Variants in PNPLA8 observed in about 807,000 individuals in gnomAD.
PNPLA8 encodes calcium-independent phospholipase A2-gamma.
PNPLA8 carries 39 observed loss-of-function variants against 76.9 expected under a neutral mutation model. The observed-to-expected ratio is 0.51, with a 90% confidence interval of 0.39 to 0.66. PNPLA8 has a LOEUF of 0.66. Among genes scored for constraint, PNPLA8 ranks in the 30% least tolerant of loss-of-function variants. The pLI is 0.00. For synonymous variants in PNPLA8, 301 were observed against 307.9 expected, an observed-to-expected ratio of 0.98 and a Z score of 0.24; for missense variants, 887 against 918.0, an observed-to-expected ratio of 0.97 and a Z score of 0.44.
At chr7:108,478,675 A>T (rs1860170770) in intron 10 of PNPLA8, among the ~76,000 whole-genome samples, 1 of 152,176 alleles carries the variant, frequency 6.6e-6, no homozygotes, top group Non-Finnish European at 1.5e-5. Flanking sequence ...TACTGGTATG[A>T]GCCATCGTGC....
At chr7:108,522,884 T>C (rs1863843172) in intron 1 of PNPLA8, among the ~76,000 whole-genome samples, 1 of 152,140 alleles carries the variant, frequency 6.6e-6, no homozygotes, top group South Asian at 2.1e-4. Flanking sequence ...AATACACCTT[T>C]CTCAGAAACT....
intron 4 of PNPLA8, chr7:108,510,828 G>T: frequency 6.3e-7 from 1 of 1,599,660 alleles, no homozygotes. Flanking sequence ...GTTGGAAAAC[G>T]CTTCAAAGAG....
At chr7:108,526,532 G>A (rs1458607457), upstream of PNPLA8, among the ~76,000 whole-genome samples, 1 of 152,190 alleles carries the variant, frequency 6.6e-6, no homozygotes, top group East Asian at 1.9e-4. Flanking sequence ...GCAGAGATAA[G>A]CCTCCCTCTC....
intron 8 of PNPLA8, among the ~76,000 whole-genome samples, chr7:108,490,981 G>T (rs907701672): frequency 6.6e-6 from 1 of 152,114 alleles, no homozygotes; most frequent in Non-Finnish European, 1.5e-5. Context: ...AATATATAAA[G>T]AATTAATACA....
intron 2 of PNPLA8, among the ~76,000 whole-genome samples, chr7:108,516,297 C>G (rs1468971221): frequency 1.3e-5 from 2 of 151,990 alleles, no homozygotes. Context: ...AATAGAGAGT[C>G]CAGAAACAGA....
At chr7:108,511,013 T>G (rs1427615455) in intron 4 of PNPLA8, 22 of 1,040,704 alleles carry the variant, frequency 2.1e-5, no homozygotes, top group Non-Finnish European at 2.9e-5. Context: ...GCTGGTTGGT[T>G]AATAAACAGT....
intron 4 of PNPLA8, among the ~76,000 whole-genome samples, chr7:108,513,631 G>A (rs1863091675): frequency 6.6e-6 from 1 of 151,968 alleles, no homozygotes; most frequent in Non-Finnish European, 1.5e-5. Flanking sequence ...GTCCATTTAA[G>A]TGGGTCTAAA....
At chr7:108,482,288 C>A (rs887967317) in intron 9 of PNPLA8, among the ~76,000 whole-genome samples, 6 of 152,060 alleles carry the variant, frequency 3.9e-5, no homozygotes, top group African/African-American at 1.4e-4. Flanking sequence ...CTGGACAACA[C>A]AGTGAAACCT....
chr7:108,519,179 C>T (rs571373079), intron 2 of PNPLA8, among the ~76,000 whole-genome samples: 12 of 151,600 alleles, frequency 7.9e-5, no homozygotes, highest in Non-Finnish European at 1.5e-4. Flanking sequence ...AAAACAAACA[C>T]AGCCAAGAGT....
At chr7:108,491,778 C>T (rs1265306753) in intron 7 of PNPLA8, among the ~76,000 whole-genome samples, 2 of 152,150 alleles carry the variant, frequency 1.3e-5, no homozygotes, top group Non-Finnish European at 2.9e-5. Flanking sequence ...TGCAAGGCAA[C>T]ATATTTAAAG....
intron 9 of PNPLA8, chr7:108,479,697 C>T (rs1370395631): frequency 4.4e-6 from 1 of 229,606 alleles, no homozygotes; most frequent in Non-Finnish European, 8.7e-6. Context: ...ACAGGTTCTA[C>T]TTAAAGCCTA....
intron 10 of PNPLA8, 86 bp from the exon 11 acceptor site, chr7:108,472,761 A>G: frequency 1.1e-6 from 1 of 935,786 alleles, no homozygotes. Flanking sequence ...CTTTATTTAA[A>G]ATTAACTTCT....
intron 5 of PNPLA8, among the ~76,000 whole-genome samples, chr7:108,498,303 G>T (rs1157719291): frequency 2.0e-5 from 3 of 151,110 alleles, no homozygotes; most frequent in Non-Finnish European, 4.4e-5. Context: ...GTCTCACTCT[G>T]TTGCCCAGGC....
rs1232467059 is a variant in PNPLA8 at position 108,487,803 on chromosome 7, G to A, written c.1834C>T (p.Pro612Ser). 6.2e-7 allele frequency: 1 copy of A among 1,613,310 alleles called. No individual in the cohort carries two copies. The highest frequency in any genetic ancestry group is 8.5e-7 in the Non-Finnish European group (1 of 1,179,518). The stretch of plus-strand genomic sequence containing the variant: ...AATGCATATTCTGCAAAGTAGCCTG[G>A]AGCAGCAGATGAGGCTCTAATGGCC... ...WQAIRASSAA[P>S]GYFAEYALGN... Residue 612 changes from proline to serine, a missense_variant, in exon 9 of 11, where the codon CCA (proline) becomes TCA (serine). Transcript: ENST00000257694.
At chr7:108,492,963 A>G (rs1398448109) in intron 7 of PNPLA8, among the ~76,000 whole-genome samples, 1 of 152,184 alleles carries the variant, frequency 6.6e-6, no homozygotes, top group Admixed American at 6.5e-5. Flanking sequence ...GAACTCTGAA[A>G]CCACAATGAT....
rs1430188451 is a variant in PNPLA8 at position 108,471,769 on chromosome 7, G to A, written c.*632C>T. The stretch of plus-strand genomic sequence containing the variant: ...CTTGAAATTTCAGGGGTAAAAAGTG[G>A]TTGACTGGAACTTCACCTTTTTTAA... On this transcript the variant is annotated 3_prime_UTR_variant, in exon 11 of 11. Coordinates refer to ENST00000257694, the MANE Select transcript of PNPLA8 (RefSeq NM_001256007.3). The A allele has an allele frequency of 3.9e-5, 6 of 152,118 alleles. No individual in the cohort carries two copies. Among genetic ancestry groups the A allele is most frequent in the Non-Finnish European group, 8.8e-5 (6 of 68,020 alleles). 9.4% of individuals were successfully genotyped at this position (152,118 alleles called of 1,614,324 possible).
chr7:108,526,538 C>CT (rs1864101228), upstream of PNPLA8, among the ~76,000 whole-genome samples: 1 of 152,224 alleles, frequency 6.6e-6, no homozygotes. Context: ...ATAAGCCTCC[C>CT]TCTCCGCGTC....
intron 8 of PNPLA8, among the ~76,000 whole-genome samples, chr7:108,489,026 T>G (rs559619392): frequency 9.2e-5 from 14 of 152,366 alleles, no homozygotes; most frequent in African/African-American, 3.4e-4. Context: ...ATCCAGAGTC[T>G]TTCTATAGTT....
intron 1 of PNPLA8, among the ~76,000 whole-genome samples, chr7:108,523,223 T>C (rs941313217): frequency 2.8e-4 from 43 of 152,146 alleles, no homozygotes; most frequent in African/African-American, 9.9e-4. Flanking sequence ...CAGCTAAGGA[T>C]GGAAAGAATG....
Sources: gnomAD v4.1 joint callset for allele counts (sites outside exome capture counted in the v4.1 genomes callset) on GRCh38, gnomAD v4.1.1 for gene constraint, MANE v1.5 for transcripts, NCBI Gene and HGNC (gene_info 2026-07-23, HGNC 2026-07-21) for gene names.